SYNPO2: variants seen among roughly 807,000 people sequenced by gnomAD.
SYNPO2 encodes synaptopodin 2, also known as synaptopodin-2.
Under a neutral mutation model 85.0 loss-of-function variants are expected in SYNPO2, and 56 were observed. The observed-to-expected ratio is 0.66, with a 90% confidence interval of 0.53 to 0.82. The LOEUF (loss-of-function observed/expected upper bound fraction) is 0.82, where lower values mean the gene tolerates loss of function less well. SYNPO2 is among the 40% of genes least tolerant of loss of function. The pLI, the probability that SYNPO2 is intolerant of heterozygous loss-of-function variation, is 0.00. For missense variants in SYNPO2, 1,575 were observed against 1,534.2 expected (o/e 1.03, Z -0.44); for synonymous variants, 602 against 591.1 (o/e 1.02, Z -0.27).
chr4:118,863,029 T>G (rs1247281302), intron 1 of SYNPO2, among the ~76,000 whole-genome samples: 1 of 152,194 alleles, frequency 6.6e-6, no homozygotes, highest in East Asian at 1.9e-4. Flanking sequence ...CAGGCTGCTC[T>G]GGAACTCCTG....
chr4:119,043,467 A>G (rs1474721147), intron 4 of SYNPO2: 1 of 152,214 alleles, frequency 6.6e-6, no homozygotes, highest in Non-Finnish European at 1.5e-5. Flanking sequence ...ATAGTCAATA[A>G]ATACCTAACA....
chr4:119,025,390 ATGT>A (rs1296317434), intron 2 of SYNPO2, among the ~76,000 whole-genome samples: 1 of 152,328 alleles, frequency 6.6e-6, no homozygotes, highest in African/African-American at 2.4e-5. Context: ...CGATATTATA[ATGT>A]TGTATAAATA....
chr4:118,972,373 G>A (rs188339803), intron 1 of SYNPO2, among the ~76,000 whole-genome samples: 1 of 152,190 alleles, frequency 6.6e-6, no homozygotes, highest in African/African-American at 2.4e-5. Context: ...CAGTCCAGGA[G>A]GTGGAAGCTG....
chr4:118,990,317 G>A (rs765356554), intron 1 of SYNPO2, among the ~76,000 whole-genome samples: 2 of 152,150 alleles, frequency 1.3e-5, no homozygotes, highest in Non-Finnish European at 2.9e-5. Flanking sequence ...GTTGCTCAGA[G>A]GCAAGAGCAA....
chr4:118,880,250 T>C (rs567591565), intron 1 of SYNPO2, among the ~76,000 whole-genome samples: 1 of 152,322 alleles, frequency 6.6e-6, no homozygotes, highest in Admixed American at 6.5e-5. Flanking sequence ...CTTTGTGCAT[T>C]GGGAAGAAAC....
At chr4:118,995,178 A>G (rs1166869152) in intron 1 of SYNPO2, among the ~76,000 whole-genome samples, 2 of 152,122 alleles carry the variant, frequency 1.3e-5, no homozygotes, top group African/African-American at 4.8e-5. Flanking sequence ...TGAGCTATTG[A>G]CTTAGGATGA....
rs745805028 is a variant in SYNPO2, at chr4:119,031,027, C to T, written c.2252C>T (p.Ala751Val). The T allele has an allele frequency of 1.2e-5, 19 of 1,613,896 alleles. No individual in the cohort carries two copies. Among genetic ancestry groups the T allele is most frequent in the Admixed American group, 6.7e-5 (4 of 59,986 alleles). Residue 751 changes from alanine to valine, a missense_variant, in exon 4 of 5, where the codon GCC (alanine) becomes GTC (valine). Physicochemically the swap from Ala to Val is moderately conservative, Grantham distance 64. This residue lies in a region of SYNPO2 where 1,508 missense variants were observed against 1,446.8 expected (regional missense o/e 1.04). Transcript: ENST00000307142. ...TGTAATTTCATGCAAAGCTCCTCTG[C>T]CAAACAAAAGACCCCTCCTCCTGTT... ...EACNFMQSSSAKQKTPPPVAP... is the reference protein window; with the variant it reads ...EACNFMQSSSVKQKTPPPVAP...
intron 1 of SYNPO2, among the ~76,000 whole-genome samples, chr4:118,851,605 A>G (rs552750374): frequency 3.9e-5 from 6 of 152,380 alleles, no homozygotes; most frequent in Admixed American, 3.9e-4. Context: ...CATTGTTACA[A>G]TATTTATTAA....
At chr4:118,949,777 A>G (rs1042472647) in intron 1 of SYNPO2, among the ~76,000 whole-genome samples, 6 of 152,016 alleles carry the variant, frequency 3.9e-5, no homozygotes, top group East Asian at 1.9e-4. Context: ...AAATAAAATG[A>G]AATATTCTAT....
chr4:118,969,575 A>G (rs568010887), intron 1 of SYNPO2, among the ~76,000 whole-genome samples: 23 of 152,304 alleles, frequency 1.5e-4, no homozygotes, highest in African/African-American at 5.5e-4. Flanking sequence ...GTTCACTGGC[A>G]TATTCCAAGT....
At chr4:118,879,154 A>G (rs1418366272) in intron 1 of SYNPO2, among the ~76,000 whole-genome samples, 3 of 152,036 alleles carry the variant, frequency 2.0e-5, no homozygotes, top group Non-Finnish European at 4.4e-5. Flanking sequence ...ACACATCTGA[A>G]CATCTGAAGG....
At chr4:118,976,936 TA>T (rs201974257) in intron 1 of SYNPO2, among the ~76,000 whole-genome samples, 1,766 of 152,204 alleles carry the variant, frequency 0.012, 99 homozygotes, top group Admixed American at 0.082. Context: ...CTGAGCTAGA[TA>T]ATAAAGACTC....
intron 1 of SYNPO2, among the ~76,000 whole-genome samples, chr4:118,968,361 T>G (rs1265542142): frequency 6.6e-6 from 1 of 152,186 alleles, no homozygotes; most frequent in Admixed American, 6.5e-5. Flanking sequence ...GTTACAGCAA[T>G]GTCCTGGCTC....
intron 1 of SYNPO2, among the ~76,000 whole-genome samples, chr4:118,895,034 A>T (rs1732507921): frequency 6.6e-6 from 1 of 152,066 alleles, no homozygotes; most frequent in African/African-American, 2.4e-5. Flanking sequence ...GATGTAAATG[A>T]TTTTTTTTAA....
At chr4:118,885,601 T>A (rs1165934248), upstream of SYNPO2, among the ~76,000 whole-genome samples, 1 of 151,752 alleles carries the variant, frequency 6.6e-6, no homozygotes, top group Non-Finnish European at 1.5e-5. Context: ...GCCTCCCGAG[T>A]AGCTGGGATT....
intron 1 of SYNPO2, among the ~76,000 whole-genome samples, chr4:118,916,542 A>G (rs971917517): frequency 7.0e-6 from 1 of 142,016 alleles, no homozygotes; most frequent in Non-Finnish European, 1.6e-5. Flanking sequence ...CAAGTCTAAG[A>G]AATATAAACC....
At chr4:118,947,145 G>A (rs941991096) in intron 1 of SYNPO2, among the ~76,000 whole-genome samples, 2 of 152,192 alleles carry the variant, frequency 1.3e-5, no homozygotes, top group South Asian at 2.1e-4. Context: ...TCATCTTAAA[G>A]CATATGGAAT....
chr4:118,926,681 G>A (rs547095958), intron 1 of SYNPO2, among the ~76,000 whole-genome samples: 1 of 152,230 alleles, frequency 6.6e-6, no homozygotes, highest in South Asian at 2.1e-4. Flanking sequence ...GCAAAGAAAA[G>A]AATATGATCA....
intron 4 of SYNPO2, chr4:119,035,928 GGCT>G (rs1738495705): frequency 4.1e-6 from 4 of 985,206 alleles, no homozygotes; most frequent in Non-Finnish European, 4.8e-6. Flanking sequence ...AAGGTCATTC[GGCT>G]GCTAAGAGGC....
Sources: gnomAD v4.1 joint callset for allele counts (sites outside exome capture counted in the v4.1 genomes callset) on GRCh38, gnomAD v4.1.1 for gene constraint, gnomAD v4.1.1 regional missense constraint, MANE v1.5 for transcripts, NCBI Gene and HGNC (gene_info 2026-07-23, HGNC 2026-07-21) for gene names.